NEDD4L: variants seen among roughly 807,000 people sequenced by gnomAD.
NEDD4L encodes the protein NEDD4 like E3 ubiquitin protein ligase, also known as E3 ubiquitin-protein ligase NEDD4-like.
A neutral mutation model predicts 148.9 loss-of-function variants in NEDD4L; 54 were observed. The ratio of observed to expected loss-of-function variants is 0.36; its 90% CI spans 0.29 to 0.45. NEDD4L has a LOEUF of 0.45. Among genes scored for constraint, NEDD4L ranks in the 20% least tolerant of loss-of-function variants. NEDD4L has a pLI of 1.00. For missense variants in NEDD4L, 856 were observed against 1,233.8 expected (o/e 0.69, Z 4.59); for synonymous variants, 433 against 440.7 (o/e 0.98, Z 0.22).
At chr18:58,198,491 A>G (rs893620670) in intron 2 of NEDD4L, among the ~76,000 whole-genome samples, 2 of 152,118 alleles carry the variant, frequency 1.3e-5, no homozygotes, top group African/African-American at 2.4e-5. Context: ...GCTGGTGGCA[A>G]AAGGATCCCT....
intron 1 of NEDD4L, among the ~76,000 whole-genome samples, chr18:58,056,445 G>A (rs986667864): frequency 2.0e-5 from 3 of 152,214 alleles, no homozygotes; most frequent in African/African-American, 4.8e-5. Flanking sequence ...CACCTAGACA[G>A]TAGGGAAATG....
intron 1 of NEDD4L, among the ~76,000 whole-genome samples, chr18:58,122,690 G>T (rs1364661612): frequency 2.0e-5 from 3 of 151,944 alleles, no homozygotes; most frequent in Admixed American, 6.6e-5. Flanking sequence ...CAAAGCAGTT[G>T]TCAAGTGGTG....
intron 1 of NEDD4L, among the ~76,000 whole-genome samples, chr18:58,146,918 G>A (rs1196167045): frequency 6.6e-6 from 1 of 152,204 alleles, no homozygotes; most frequent in Non-Finnish European, 1.5e-5. Flanking sequence ...GTGCTGAGGG[G>A]ATGTGCAGAG....
chr18:58,178,387 G>A (rs1218655233), intron 2 of NEDD4L, among the ~76,000 whole-genome samples: 1 of 152,088 alleles, frequency 6.6e-6, no homozygotes, highest in Non-Finnish European at 1.5e-5. Context: ...AAATTTTAAG[G>A]TCTAAAAATG....
intron 19 of NEDD4L, among the ~76,000 whole-genome samples, chr18:58,360,831 G>A (rs1307135117): frequency 6.6e-6 from 1 of 151,722 alleles, no homozygotes; most frequent in African/African-American, 2.4e-5. Context: ...TTTCCTATGA[G>A]GCTTTTGTAA....
intron 2 of NEDD4L, among the ~76,000 whole-genome samples, chr18:58,245,133 A>G (rs1444143754): frequency 6.6e-6 from 1 of 152,250 alleles, no homozygotes; most frequent in Non-Finnish European, 1.5e-5. Flanking sequence ...TAAATTTTGT[A>G]AAGTCTGAAC....
intron 1 of NEDD4L, among the ~76,000 whole-genome samples, chr18:58,074,983 T>C (rs768613060): frequency 3.3e-5 from 5 of 151,920 alleles, no homozygotes; most frequent in Non-Finnish European, 7.4e-5. Flanking sequence ...AGGTGAAGAG[T>C]TGGATGGACA....
At chr18:58,234,911 C>T (rs1332115204) in intron 2 of NEDD4L, among the ~76,000 whole-genome samples, 2 of 152,096 alleles carry the variant, frequency 1.3e-5, no homozygotes, top group Non-Finnish European at 2.9e-5. Flanking sequence ...TGCCACATCC[C>T]CTGTTAACTC....
chr18:58,100,460 C>G (rs2084683880), intron 1 of NEDD4L, among the ~76,000 whole-genome samples: 1 of 152,168 alleles, frequency 6.6e-6, no homozygotes, highest in African/African-American at 2.4e-5. Flanking sequence ...GCTCCTTTCC[C>G]CTGGTCTATG....
intron 24 of NEDD4L, among the ~76,000 whole-genome samples, chr18:58,377,146 A>G (rs191957673): frequency 6.6e-6 from 1 of 152,140 alleles, no homozygotes; most frequent in Non-Finnish European, 1.5e-5. Flanking sequence ...TGTACTTCCC[A>G]CAAGCACTTT....
intron 2 of NEDD4L, chr18:58,195,689 C>G (rs188117986): frequency 1.5e-6 from 2 of 1,352,002 alleles, no homozygotes. Context: ...ACCTGCCTCT[C>G]TCTCCGCTCC....
chr18:58,154,874 CAA>C (rs749060075), intron 1 of NEDD4L, among the ~76,000 whole-genome samples: 10 of 151,856 alleles, frequency 6.6e-5, no homozygotes, highest in African/African-American at 1.9e-4. Flanking sequence ...ACTATTGTGA[CAA>C]GAGAAAAATG....
At chr18:58,276,222 G>T (rs555610013) in intron 5 of NEDD4L, among the ~76,000 whole-genome samples, 2 of 132,838 alleles carry the variant, frequency 1.5e-5, no homozygotes, top group East Asian at 4.0e-4. Context: ...TGGGTGGGGA[G>T]GGGGGTGGTT....
At chr18:58,142,213 AT>A (rs146453037) in intron 1 of NEDD4L, among the ~76,000 whole-genome samples, 77,032 of 132,276 alleles carry the variant, frequency 0.58, 20,333 homozygotes, top group East Asian at 0.77. Flanking sequence ...CGCCCGGCTA[AT>A]TTTTTTTTTA....
At chr18:58,267,759 G>T (rs892325746) in intron 5 of NEDD4L, among the ~76,000 whole-genome samples, 1 of 152,070 alleles carries the variant, frequency 6.6e-6, no homozygotes, top group Non-Finnish European at 1.5e-5. Context: ...TTTTGCACCA[G>T]CGAGTCTGCT....
chr18:58,099,062 A>G (rs999805381), intron 1 of NEDD4L, among the ~76,000 whole-genome samples: 1 of 152,226 alleles, frequency 6.6e-6, no homozygotes, highest in Non-Finnish European at 1.5e-5. Context: ...ATTGGGACAC[A>G]TGAAATTATA....
chr18:58,220,405 A>G (rs1417127777), intron 2 of NEDD4L, among the ~76,000 whole-genome samples: 1 of 151,740 alleles, frequency 6.6e-6, no homozygotes, highest in Non-Finnish European at 1.5e-5. Context: ...TATCTCAAAA[A>G]AAAAAAGACT....
At chr18:58,379,037 A>G (rs1315890503) in intron 24 of NEDD4L, among the ~76,000 whole-genome samples, 1 of 152,192 alleles carries the variant, frequency 6.6e-6, no homozygotes, top group Non-Finnish European at 1.5e-5. Flanking sequence ...GTGGCTGGGC[A>G]TTGTGTTCCT....
At chr18:58,109,766 C>T (rs1451701428) in intron 1 of NEDD4L, among the ~76,000 whole-genome samples, 3 of 151,920 alleles carry the variant, frequency 2.0e-5, no homozygotes, top group African/African-American at 4.8e-5. Context: ...GACGGGGTTT[C>T]GCCATGTTGG....
Sources: allele counts gnomAD v4.1 joint callset (sites outside exome capture counted in the v4.1 genomes callset), GRCh38; gene constraint gnomAD v4.1.1; transcripts MANE v1.5; gene names NCBI Gene and HGNC (gene_info 2026-07-23, HGNC 2026-07-21).